The following NUP205 variants were observed in gnomAD, a reference collection of about 807,000 sequenced individuals.
The protein encoded by NUP205 is nucleoporin 205.
A neutral mutation model predicts 253.8 loss-of-function variants in NUP205; 76 were observed. The observed-to-expected ratio is 0.30, with a 90% CI of 0.25 to 0.36. The LOEUF is 0.36. Among genes scored for constraint, NUP205 ranks in the 10% least tolerant of loss-of-function variants. NUP205 has a pLI of 1.00. For missense variants in NUP205, 2,162 were observed against 2,425.5 expected, an observed-to-expected ratio of 0.89 and a Z score of 2.28; for synonymous variants, 832 against 850.1, an observed-to-expected ratio of 0.98 and a Z score of 0.37.
At chr7:135,572,961 T>C (rs1009125361) in intron 2 of NUP205, among the ~76,000 whole-genome samples, 11 of 150,228 alleles carry the variant, frequency 7.3e-5, no homozygotes, top group Non-Finnish European at 1.3e-4. Context: ...TTTTTTCTTT[T>C]TTTTTCTTTT....
chr7:135,590,560 C>T (rs1806602282), intron 10 of NUP205, among the ~76,000 whole-genome samples: 1 of 143,908 alleles, frequency 6.9e-6, no homozygotes, highest in African/African-American at 2.6e-5. Flanking sequence ...TTTTTGGAGA[C>T]GGAGTCTCTG....
chr7:135,615,521 A>G (rs370206563), intron 23 of NUP205, among the ~76,000 whole-genome samples: 39 of 152,346 alleles, frequency 2.6e-4, no homozygotes, highest in Admixed American at 4.6e-4. Context: ...AATTTTTCTT[A>G]TGTATTTGTT....
At position 135,591,501 on chromosome 7, in the gene NUP205, A is replaced by G. The variant is rs1806628108; in HGVS notation, c.1525A>G (p.Ile509Val). Residue 509 changes from isoleucine to valine, a missense_variant, in exon 11 of 43, where the codon ATT (isoleucine) becomes GTT (valine). By Grantham distance (29) the Ile-to-Val change is conservative. This residue lies in a region of NUP205 where 892 missense variants were observed against 957.1 expected (regional missense o/e 0.93). Transcript: ENST00000285968. ...AATGGGTGACCTGTTGCCTCCAACT[A>G]TTTATATTCCTTATTTGAAGATGCT... ...RQMGDLLPPT[I>V]YIPYLKMLQG... 1 of 1,614,002 alleles carries G rather than the reference A, an allele frequency of 6.2e-7. No homozygotes were observed. Among genetic ancestry groups the G allele is most frequent in the South Asian group, 1.1e-5 (1 of 91,080 alleles).
Position 135,607,260 on chromosome 7 carries a change from C to T in NUP205, c.3084C>T (p.Cys1028=). Residue 1028 remains cysteine (C), a synonymous_variant, in exon 22 of 43, where the codon TGC becomes TGT. Coordinates refer to ENST00000285968, the MANE Select transcript of NUP205 (RefSeq NM_015135.3). The part of the protein sequence containing the change: ...TNLQDPGVLG[C]PRTCLHAILN... ...GGTTTCATGCAGGAGTGTTAGGTTG[C>T]CCTCGGACATGCCTTCACGCCATTC... The T allele has an allele frequency of 6.2e-7, 1 of 1,613,896 alleles. No individual in the cohort carries two copies.
chr7:135,628,124 CT>C lies in NUP205; in HGVS notation c.4932+16del, dbSNP rs1216806282. ...GGCAGCAGGGCAGGTAAGGTGAACC[CT>C]TTGTTTAGATATTGTCTAGAGCAAA... is the stretch of plus-strand genomic sequence containing the variant. On this transcript the variant is annotated intron_variant, in intron 34 of 42. Transcript: ENST00000285968. 1 of 1,603,826 alleles carries C rather than the reference CT, an allele frequency of 6.2e-7. No individual in the cohort carries two copies. Among genetic ancestry groups the C allele is most frequent in the Admixed American group, 1.7e-5 (1 of 58,902 alleles).
In NUP205 at chr7:135,594,839, CCCAACTAGAGTTACGGTTTAGGGA is replaced by C. The variant is rs1224376959; in HGVS notation, c.2013+112_2013+135del. On this transcript the variant is annotated intron_variant, in intron 13 of 42. Coordinates refer to ENST00000285968, the MANE Select transcript of NUP205 (RefSeq NM_015135.3). ...GGAACTTATAGTATATCATGAACAT[CCCAACTAGAGTTACGGTTTAGGGA>C]CTGAGCATAGCAATAGAAACTAATA... 3 of 747,750 alleles carry C rather than the reference CCCAACTAGAGTTACGGTTTAGGGA, an allele frequency of 4.0e-6. No individual in the cohort carries two copies. In the African/African-American group the frequency reaches 5.6e-5, roughly 14 times the overall value. 46.3% of individuals were successfully genotyped at this position (747,750 alleles called of 1,614,324 possible).
Position 135,615,896 on chromosome 7 carries a change from T to C in NUP205, c.3311-20T>C. The C allele has an allele frequency of 1.9e-6, 3 of 1,593,852 alleles. No homozygotes were observed. Among genetic ancestry groups the C allele is most frequent in the Non-Finnish European group, 2.6e-6 (3 of 1,168,892 alleles). On this transcript the variant is annotated intron_variant, in intron 23 of 42. Transcript: ENST00000285968. ...TGTGTTATTACTCTGGGAAACAAAA[T>C]TTACATGTTTAAATTCTAGAATATG...
intron 36 of NUP205, among the ~76,000 whole-genome samples, chr7:135,636,145 C>T (rs1794806173): frequency 6.6e-6 from 1 of 152,106 alleles, no homozygotes; most frequent in African/African-American, 2.4e-5. Flanking sequence ...TATGTTCTAA[C>T]ATATTAGTTT....
At chr7:135,563,431 G>GCCA (rs1805650198) in intron 1 of NUP205, among the ~76,000 whole-genome samples, 2 of 151,954 alleles carry the variant, frequency 1.3e-5, no homozygotes, top group South Asian at 2.1e-4. Context: ...TCGTGATGTG[G>GCCA]CCCGCCTTGG....
At chr7:135,597,039 A>C (rs972081963) in intron 13 of NUP205, among the ~76,000 whole-genome samples, 1 of 152,154 alleles carries the variant, frequency 6.6e-6, no homozygotes, top group African/African-American at 2.4e-5. Flanking sequence ...TAAACAGTCC[A>C]GTATCTTGAA....
rs148213320 is a variant in NUP205 at position 135,626,282 on chromosome 7, G to A, written c.4714G>A (p.Glu1572Lys). The A allele has an allele frequency of 1.1e-4, 183 of 1,613,888 alleles. No homozygotes were observed. Among genetic ancestry groups the A allele is most frequent in the Admixed American group, 3.3e-4 (20 of 59,994 alleles). The change falls in exon 33 of 43, where the codon GAG becomes AAG. Residue 1572 changes from glutamate (E) to lysine (K), a missense_variant. Transcript: ENST00000285968. ...RVAKIQQGAL[E>K]LLRSGVIVRL... ...GGCAAAGATACAGCAGGGTGCATTA[G>A]AGCTGCTAAGATCAGGGGTGATTGT...
chr7:135,617,454 G>A, intron 26 of NUP205, 148 bp from the exon 27 acceptor site: 2 of 711,912 alleles, frequency 2.8e-6, no homozygotes, highest in Non-Finnish European at 4.6e-6. Context: ...TAATATTTTG[G>A]TCTGGAAATT....
chr7:135,601,398 T>G lies in NUP205; in HGVS notation c.2403T>G (p.Pro801=), dbSNP rs1196541785. The G allele has an allele frequency of 6.2e-7, 1 of 1,613,594 alleles. No homozygotes were observed. The highest frequency in any genetic ancestry group is 1.1e-5 in the South Asian group (1 of 90,996). The stretch of plus-strand genomic sequence containing the variant: ...AAGAAATCATAGCCTATAAGCCACC[T>G]GGATTTAGTCTGATGTATCATCTGC... ...QGEEIIAYKP[P]GFSLMYHLLN... The change falls in exon 17 of 43, where the codon CCT becomes CCG. Residue 801 remains proline (P), a synonymous_variant. Transcript: ENST00000285968.
At chr7:135,582,347 A>C (rs1806330564) in intron 7 of NUP205, among the ~76,000 whole-genome samples, 1 of 152,224 alleles carries the variant, frequency 6.6e-6, no homozygotes. Flanking sequence ...TTTTGAATTC[A>C]AGTAAAGGTT....
chr7:135,611,864 C>T (rs1241955606), intron 22 of NUP205, among the ~76,000 whole-genome samples: 1 of 152,114 alleles, frequency 6.6e-6, no homozygotes, highest in African/African-American at 2.4e-5. Flanking sequence ...CCTGTAATCC[C>T]AGCACTTTGG....
intron 28 of NUP205, among the ~76,000 whole-genome samples, chr7:135,618,947 C>G (rs1369635329): frequency 6.6e-6 from 1 of 152,188 alleles, no homozygotes. Context: ...CACCCATTAC[C>G]TAGCATCATG....
chr7:135,573,513 G>C lies in NUP205; in HGVS notation c.172-141G>C, dbSNP rs73725133. 731 of 558,126 alleles carry C rather than the reference G, an allele frequency of 1.3e-3. 2 individuals are homozygous for C. Among genetic ancestry groups the C allele is most frequent in the African/African-American group, 0.013 (672 of 52,222 alleles). The allele number at this position is 558,126 out of a possible 1,614,324, so 34.6% of individuals were successfully genotyped here. ...GCAAAATATTACTTCATAAAAGTCTGTTCTAAATTAGCTGATAAGAAATAC... is the reference window on the plus strand; with the variant it reads ...GCAAAATATTACTTCATAAAAGTCTCTTCTAAATTAGCTGATAAGAAATAC... On this transcript the variant is annotated intron_variant, in intron 2 of 42. Transcript: ENST00000285968.
intron 1 of NUP205, among the ~76,000 whole-genome samples, chr7:135,559,226 T>C (rs886378226): frequency 3.3e-5 from 5 of 152,256 alleles, no homozygotes; most frequent in African/African-American, 9.6e-5. Flanking sequence ...AAGCACAACC[T>C]AATTCATTTT....
chr7:135,614,101 A>G (rs1794299856), intron 22 of NUP205, 58 bp from the exon 23 acceptor site: 4 of 951,878 alleles, frequency 4.2e-6, no homozygotes. Flanking sequence ...TTTTGTTACC[A>G]TAATATGTGT....
Sources: allele counts gnomAD v4.1 joint callset (sites outside exome capture counted in the v4.1 genomes callset), GRCh38; gene constraint gnomAD v4.1.1; regional missense constraint gnomAD v4.1.1; transcripts MANE v1.5; gene names NCBI Gene and HGNC (gene_info 2026-07-23, HGNC 2026-07-21).